ARHGAP6: variants seen among roughly 807,000 people sequenced by gnomAD.
ARHGAP6 encodes rho GTPase-activating protein 6.
Under a neutral mutation model 55.7 loss-of-function variants are expected in ARHGAP6, and 16 were observed. The observed-to-expected ratio is 0.29, with a 90% confidence interval of 0.19 to 0.44. The LOEUF is 0.44. Among genes scored for constraint, ARHGAP6 ranks in the 20% least tolerant of loss-of-function variants. ARHGAP6 has a pLI of 1.00. For missense variants in ARHGAP6, 698 were observed against 808.9 expected, an observed-to-expected ratio of 0.86 and a Z score of 1.66; for synonymous variants, 382 against 360.9, an observed-to-expected ratio of 1.06 and a Z score of -0.66.
intron 9 of ARHGAP6, among the ~76,000 whole-genome samples, chrX:11,168,132 A>G (rs1176301650): frequency 1.8e-5 from 2 of 111,932 alleles, no homozygotes; most frequent in Non-Finnish European, 3.8e-5. Flanking sequence ...GGTTGCCCGT[A>G]AAACTCTAAA....
At chrX:11,488,287 T>A (rs756426308) in intron 1 of ARHGAP6, among the ~76,000 whole-genome samples, 1 of 111,755 alleles carries the variant, frequency 8.9e-6, no homozygotes, top group Admixed American at 9.5e-5. Flanking sequence ...GATGGTAGTA[T>A]TTTGGTTATT....
chrX:11,428,145 G>T (rs987357149), intron 1 of ARHGAP6, among the ~76,000 whole-genome samples: 1 of 112,731 alleles, frequency 8.9e-6, no homozygotes, highest in Non-Finnish European at 1.9e-5. Context: ...TTTGAAGGAG[G>T]TGTGGGCCTG....
chrX:11,366,081 C>G (rs2049073710), intron 1 of ARHGAP6, among the ~76,000 whole-genome samples: 1 of 111,825 alleles, frequency 8.9e-6, no homozygotes, highest in Non-Finnish European at 1.9e-5. Flanking sequence ...ATGAATTCAG[C>G]TAAACCTAAT....
chrX:11,168,752 G>A (rs1233040960), intron 9 of ARHGAP6, among the ~76,000 whole-genome samples: 1 of 112,078 alleles, frequency 8.9e-6, no homozygotes, highest in Middle Eastern at 4.2e-3. Flanking sequence ...TATTAGTGGT[G>A]AACAGAAATA....
rs776171381 is a variant in ARHGAP6 at position 11,143,961 on chromosome X, C to T, written c.2176+19G>A. 1 of 1,210,450 alleles carries T rather than the reference C, an allele frequency of 8.3e-7. No individual in the cohort carries two copies. Among genetic ancestry groups the T allele is most frequent in the African/African-American group, 1.7e-5 (1 of 57,251 alleles). On this transcript the variant is annotated intron_variant, in intron 11 of 12. Coordinates refer to ENST00000337414, the MANE Select transcript of ARHGAP6 (RefSeq NM_013427.3). ...GGTCGCTTGTTTTGGCCAGCGCCTG[C>T]TGGCCAGGCTCCAGTTACCTTTCCC...
chrX:11,367,869 A>C (rs1432772180), intron 1 of ARHGAP6: 1 of 667,412 alleles, frequency 1.5e-6, no homozygotes. Context: ...GTCAGTTGGC[A>C]AAGCAACAAG....
chrX:11,347,528 T>C (rs1297714317), intron 1 of ARHGAP6, among the ~76,000 whole-genome samples: 1 of 112,283 alleles, frequency 8.9e-6, no homozygotes, highest in Non-Finnish European at 1.9e-5. Flanking sequence ...GCAACTGTAA[T>C]AATCTTGCCC....
chrX:11,277,920 G>C (rs946851085), intron 1 of ARHGAP6, among the ~76,000 whole-genome samples: 3 of 111,459 alleles, frequency 2.7e-5, no homozygotes, highest in Admixed American at 9.5e-5. Context: ...ACACAAAATA[G>C]ATCAATAGGC....
chrX:11,351,498 C>A, intron 1 of ARHGAP6: 1 of 944,023 alleles, frequency 1.1e-6, no homozygotes, highest in Non-Finnish European at 1.3e-6. Flanking sequence ...CCCTCCATCT[C>A]GTCCTGCTGG....
chrX:11,624,645 G>C (rs1023709422), intron 1 of ARHGAP6, among the ~76,000 whole-genome samples: 1 of 112,142 alleles, frequency 8.9e-6, no homozygotes, highest in African/African-American at 3.2e-5. Flanking sequence ...TCCGCCTCCC[G>C]GGTTCATGCC....
At chrX:11,287,263 T>C (rs2047932425) in intron 1 of ARHGAP6, among the ~76,000 whole-genome samples, 1 of 112,059 alleles carries the variant, frequency 8.9e-6, no homozygotes, top group African/African-American at 3.2e-5. Flanking sequence ...TTCTGTATTT[T>C]TAAAGACTTA....
At chrX:11,453,841 C>T (rs1031626797) in intron 1 of ARHGAP6, among the ~76,000 whole-genome samples, 5 of 112,082 alleles carry the variant, frequency 4.5e-5, no homozygotes, top group Non-Finnish European at 9.4e-5. Context: ...TTTTAAGATG[C>T]ATTAATAATG....
intron 1 of ARHGAP6, among the ~76,000 whole-genome samples, chrX:11,428,506 C>G (rs2049912141): frequency 8.9e-6 from 1 of 112,275 alleles, no homozygotes; most frequent in South Asian, 3.7e-4. Context: ...AATTTACGTC[C>G]AGCCTCCCAC....
chrX:11,566,867 C>A (rs2147101115), intron 1 of ARHGAP6, among the ~76,000 whole-genome samples: 1 of 112,094 alleles, frequency 8.9e-6, no homozygotes, highest in Non-Finnish European at 1.9e-5. Flanking sequence ...TATCACCAGC[C>A]AAACTGCTTG....
chrX:11,611,860 G>A (rs1321795247), intron 1 of ARHGAP6, among the ~76,000 whole-genome samples: 9 of 109,008 alleles, frequency 8.3e-5, no homozygotes, highest in African/African-American at 3.0e-4. Flanking sequence ...AACATGCAGT[G>A]ACAACTGAGT....
At chrX:11,455,965 TAACTC>T (rs1358757033) in intron 1 of ARHGAP6, among the ~76,000 whole-genome samples, 149 of 112,392 alleles carry the variant, frequency 1.3e-3, no homozygotes, top group African/African-American at 4.4e-3. Context: ...CCTGCATAGA[TAACTC>T]AAGAGAATCC....
At chrX:11,405,284 A>G (rs1272601989) in intron 1 of ARHGAP6, among the ~76,000 whole-genome samples, 1 of 110,548 alleles carries the variant, frequency 9.0e-6, no homozygotes, top group Admixed American at 9.6e-5. Context: ...GATCTCTACC[A>G]CTCTGCTCCT....
chrX:11,335,889 A>T, intron 1 of ARHGAP6: 1 of 180,007 alleles, frequency 5.6e-6, no homozygotes. Context: ...ACACGGCTGG[A>T]GTGGAGCAGG....
intron 10 of ARHGAP6, among the ~76,000 whole-genome samples, chrX:11,147,783 G>A (rs866403546): frequency 6.2e-5 from 7 of 112,388 alleles, no homozygotes; most frequent in East Asian, 5.5e-4. Context: ...GAATAAATCC[G>A]GGTGTAGTGT....
Sources: gnomAD v4.1 joint callset for allele counts (sites outside exome capture counted in the v4.1 genomes callset) on GRCh38, gnomAD v4.1.1 for gene constraint, MANE v1.5 for transcripts, NCBI Gene and HGNC (gene_info 2026-07-23, HGNC 2026-07-21) for gene names.